Variants in ATRNL1 observed in about 807,000 individuals in gnomAD.
ATRNL1 encodes attractin-like protein 1.
ATRNL1 carries 95 observed loss-of-function variants against 182.7 expected under a neutral mutation model. The ratio of observed to expected loss-of-function variants is 0.52; its 90% CI spans 0.44 to 0.62. The LOEUF (loss-of-function observed/expected upper bound fraction) is 0.62. Among genes scored for constraint, ATRNL1 ranks in the 20% least tolerant of loss-of-function variants. ATRNL1 has a pLI of 0.00. For missense variants in ATRNL1, 1,471 were observed against 1,679.5 expected, an observed-to-expected ratio of 0.88 and a Z score of 2.17; for synonymous variants, 576 against 568.3, an observed-to-expected ratio of 1.01 and a Z score of -0.19.
intron 21 of ATRNL1, among the ~76,000 whole-genome samples, chr10:115,441,451 A>G (rs534566421): frequency 6.6e-6 from 1 of 151,896 alleles, no homozygotes; most frequent in East Asian, 1.9e-4. Context: ...GAAACAGTCT[A>G]TTTCTTGACT....
intron 20 of ATRNL1, among the ~76,000 whole-genome samples, chr10:115,410,508 A>G (rs567487857): frequency 6.6e-6 from 1 of 151,704 alleles, no homozygotes; most frequent in African/African-American, 2.4e-5. Context: ...TTTAGTAGAG[A>G]TGCAGTTTCA....
intron 19 of ATRNL1, among the ~76,000 whole-genome samples, chr10:115,363,634 G>C (rs1316341138): frequency 6.6e-6 from 1 of 151,630 alleles, no homozygotes; most frequent in African/African-American, 2.4e-5. Flanking sequence ...TTTTCTTCTA[G>C]GGTTTTTATG....
intron 26 of ATRNL1, among the ~76,000 whole-genome samples, chr10:115,624,233 A>C (rs1179552432): frequency 6.6e-6 from 1 of 151,954 alleles, no homozygotes; most frequent in African/African-American, 2.4e-5. Context: ...AAGTTATATT[A>C]AGTACAATAT....
chr10:115,339,750 T>C (rs1248730173), intron 19 of ATRNL1, among the ~76,000 whole-genome samples: 1 of 152,174 alleles, frequency 6.6e-6, no homozygotes, highest in Non-Finnish European at 1.5e-5. Flanking sequence ...TCAATAACAG[T>C]GGTGAAAGTG....
Position 115,914,527 on chromosome 10 carries a change from G to A in ATRNL1, c.4019-30131G>A, listed in dbSNP as rs1952785529. ...CTTGAGTGGTCCTGCCCTGAGCAGT[G>A]AGCAAGTGACCAGCAAGGACTTCCA... On this transcript the variant is annotated intron_variant, in intron 28 of 28. Coordinates refer to ENST00000355044, the MANE Select transcript of ATRNL1 (RefSeq NM_207303.4). Among the ~76,000 whole-genome samples, 3 of 152,166 alleles carry A rather than the reference G, an allele frequency of 2.0e-5. 1 individual carries two copies. Among genetic ancestry groups the A allele is most frequent in the Admixed American group, 2.0e-4 (3 of 15,272 alleles).
chr10:115,661,578 A>G (rs548370191), intron 26 of ATRNL1, among the ~76,000 whole-genome samples: 1 of 152,220 alleles, frequency 6.6e-6, no homozygotes, highest in South Asian at 2.1e-4. Flanking sequence ...GTGACCCTAT[A>G]TCTCACCTGT....
chr10:115,315,385 G>T, intron 17 of ATRNL1, 133 bp from the exon 18 acceptor site: 1 of 602,596 alleles, frequency 1.7e-6, no homozygotes, highest in Non-Finnish European at 2.8e-6. Flanking sequence ...AAGTATTATT[G>T]CAAAAATGTT....
At chr10:115,356,547 G>A (rs1420046911) in intron 19 of ATRNL1, among the ~76,000 whole-genome samples, 1 of 151,908 alleles carries the variant, frequency 6.6e-6, no homozygotes. Flanking sequence ...AGATATTTTA[G>A]CATGCCTTCA....
intron 10 of ATRNL1, among the ~76,000 whole-genome samples, chr10:115,256,776 T>C (rs1448388972): frequency 3.9e-5 from 6 of 152,210 alleles, no homozygotes; most frequent in African/African-American, 1.4e-4. Flanking sequence ...GGGCATTTAG[T>C]GCTATAAATT....
In ATRNL1 at chr10:115,163,278, G is replaced by A. The variant is rs113985921; in HGVS notation, c.1005-2280G>A. 1.9e-3 allele frequency among the ~76,000 whole-genome samples: 282 copies of A among 150,106 alleles called. 2 individuals are homozygous for A. The highest frequency in any genetic ancestry group is 1.8e-3 in the Non-Finnish European group (122 of 67,054). ...TGGAAACTAAGAATTTTTTCTTAGCGTTTTTAGTTTTTGCTTTTTTTCTTT... is the reference window on the plus strand; with the variant it reads ...TGGAAACTAAGAATTTTTTCTTAGCATTTTTAGTTTTTGCTTTTTTTCTTT... On this transcript the variant is annotated intron_variant, in intron 6 of 28. Coordinates refer to ENST00000355044, the MANE Select transcript of ATRNL1 (RefSeq NM_207303.4).
At chr10:115,768,692 TG>T (rs1426588885) in intron 27 of ATRNL1, among the ~76,000 whole-genome samples, 1 of 152,174 alleles carries the variant, frequency 6.6e-6, no homozygotes, top group African/African-American at 2.4e-5. Context: ...TCCTCCTAAC[TG>T]TAATTTAAAA....
At chr10:115,167,334 G>A (rs1411562064) in intron 7 of ATRNL1, among the ~76,000 whole-genome samples, 1 of 151,928 alleles carries the variant, frequency 6.6e-6, no homozygotes, top group Non-Finnish European at 1.5e-5. Flanking sequence ...TAAGAAGTGT[G>A]ATACTTCCTA....
At chr10:115,239,947 A>C (rs1309222177) in intron 9 of ATRNL1, among the ~76,000 whole-genome samples, 1 of 152,042 alleles carries the variant, frequency 6.6e-6, no homozygotes, top group East Asian at 1.9e-4. Context: ...CTGGAGTGGG[A>C]GTTGAGGGAT....
chr10:115,364,112 T>G (rs1342632136), intron 19 of ATRNL1, among the ~76,000 whole-genome samples: 1 of 145,872 alleles, frequency 6.9e-6, no homozygotes, highest in Non-Finnish European at 1.5e-5. Context: ...CCTTGGGCAG[T>G]ATGGGCATTT....
At chr10:115,126,467 C>T (rs925530142) in intron 3 of ATRNL1, among the ~76,000 whole-genome samples, 2 of 152,104 alleles carry the variant, frequency 1.3e-5, no homozygotes, top group Admixed American at 6.5e-5. Flanking sequence ...TTACAATGAA[C>T]AATATGTATG....
chr10:115,667,283 A>G (rs1248478326), intron 26 of ATRNL1, among the ~76,000 whole-genome samples: 2 of 152,196 alleles, frequency 1.3e-5, no homozygotes, highest in Non-Finnish European at 2.9e-5. Flanking sequence ...TATATCAGTT[A>G]TCTATTGTGG....
At chr10:115,366,667 T>G (rs1393394326) in intron 19 of ATRNL1, among the ~76,000 whole-genome samples, 2 of 151,670 alleles carry the variant, frequency 1.3e-5, no homozygotes, top group African/African-American at 4.9e-5. Context: ...CGGTTGTTCC[T>G]TTCCATGTTT....
chr10:115,285,748 A>T (rs1852580316), intron 14 of ATRNL1, among the ~76,000 whole-genome samples: 1 of 152,094 alleles, frequency 6.6e-6, no homozygotes, highest in African/African-American at 2.4e-5. Context: ...AACCCAACTT[A>T]TACCACAACT....
At chr10:115,269,413 C>A (rs1399098273) in intron 13 of ATRNL1, among the ~76,000 whole-genome samples, 1 of 152,168 alleles carries the variant, frequency 6.6e-6, no homozygotes, top group African/African-American at 2.4e-5. Flanking sequence ...CGGTTCACTG[C>A]AACCTCCACC....
Sources: gnomAD v4.1 joint callset for allele counts (sites outside exome capture counted in the v4.1 genomes callset) on GRCh38, gnomAD v4.1.1 for gene constraint, MANE v1.5 for transcripts, NCBI Gene and HGNC (gene_info 2026-07-23, HGNC 2026-07-21) for gene names.